The following YEATS2 variants were observed in gnomAD, a reference collection of about 807,000 sequenced individuals.
YEATS2 encodes the protein YEATS domain-containing protein 2.
In YEATS2, 77 loss-of-function variants were observed where a neutral mutation model predicts 163.2. That is an observed-to-expected ratio of 0.47 (90% confidence interval 0.39 to 0.57). The LOEUF is 0.57. Among genes scored for constraint, YEATS2 ranks in the 20% least tolerant of loss-of-function variants. The pLI is 0.00. For missense variants in YEATS2, 1,549 were observed against 1,729.8 expected (o/e 0.90, Z 1.85); for synonymous variants, 631 against 645.1 (o/e 0.98, Z 0.33).
intron 19 of YEATS2, 21 bp downstream of exon 19, chr3:183,777,721 ACC>A: frequency 6.2e-7 from 1 of 1,601,262 alleles, no homozygotes; most frequent in South Asian, 1.1e-5. Context: ...CCATGCACAC[ACC>A]CCAAATATGG....
chr3:183,748,729 A>G (rs993837124), intron 9 of YEATS2, among the ~76,000 whole-genome samples: 4 of 151,910 alleles, frequency 2.6e-5, no homozygotes, highest in Non-Finnish European at 5.9e-5. Flanking sequence ...CCTCCCAAGT[A>G]GCTAGGACTG....
At chr3:183,749,984 A>ATT (rs879853784) in intron 9 of YEATS2, among the ~76,000 whole-genome samples, 186 of 145,106 alleles carry the variant, frequency 1.3e-3, no homozygotes, top group African/African-American at 4.5e-3. Flanking sequence ...CGCCCGGCTA[A>ATT]TTTTTTTTTT....
Position 183,812,245 on chromosome 3 carries a change from T to G in YEATS2, c.*1662T>G, listed in dbSNP as rs750759830. ...AGGAGACCCCGTCTCAAAAATTGAT[T>G]GATCAATTCAGCATCTGAGGGCTGC... is the stretch of plus-strand genomic sequence containing the variant. On this transcript the variant is annotated 3_prime_UTR_variant, in exon 31 of 31. Transcript: ENST00000305135. 6.6e-6 allele frequency: 1 copy of G among 152,204 alleles called. No homozygotes were observed. The highest frequency in any genetic ancestry group is 1.5e-5 in the Non-Finnish European group (1 of 68,050). 9.4% of individuals were successfully genotyped at this position (152,204 alleles called of 1,614,324 possible). A position where few individuals can be genotyped will look rare whatever the true frequency, so the allele number is the denominator to read the frequency against.
chr3:183,717,703 T>C lies in YEATS2; in HGVS notation c.153T>C (p.Ala51=). The C allele has an allele frequency of 6.4e-7, 1 of 1,568,454 alleles. No individual in the cohort carries two copies. The highest frequency in any genetic ancestry group is 8.6e-7 in the Non-Finnish European group (1 of 1,164,252). Residue 51 remains alanine (A), a synonymous_variant, in exon 3 of 31, where the codon GCT becomes GCC. Transcript: ENST00000305135. ...KIETIIKEQF[A]LEMKNKEHEI... ...AGACTATTATCAAAGAACAGTTTGC[T>C]CTTGAAATGAAGAATAAGGAACATG...
chr3:183,773,932 T>C (rs262960), intron 17 of YEATS2, 138 bp downstream of exon 17: 674,065 of 1,024,646 alleles, frequency 0.66, 227,645 homozygotes, highest in East Asian at 0.98. Context: ...TAGCATTTGC[T>C]CAGATGGATT....
chr3:183,783,393 G>T (rs1723759995), intron 19 of YEATS2, among the ~76,000 whole-genome samples: 1 of 152,210 alleles, frequency 6.6e-6, no homozygotes, highest in African/African-American at 2.4e-5. Flanking sequence ...CGTTGTTGCT[G>T]CTGTTTTTTA....
chr3:183,772,785 A>G (rs921295769), intron 16 of YEATS2, among the ~76,000 whole-genome samples: 1 of 150,460 alleles, frequency 6.6e-6, no homozygotes, highest in Non-Finnish European at 1.5e-5. Flanking sequence ...ACACCCACAT[A>G]CACACACACA....
chr3:183,717,997 G>A (rs537980331), intron 3 of YEATS2, among the ~76,000 whole-genome samples: 84 of 151,886 alleles, frequency 5.5e-4, no homozygotes, highest in African/African-American at 1.8e-3. Context: ...TGATAGCACA[G>A]CAGGGTGACT....
intron 10 of YEATS2, among the ~76,000 whole-genome samples, chr3:183,752,691 A>G: frequency 6.8e-6 from 1 of 148,112 alleles, no homozygotes; most frequent in Non-Finnish European, 1.5e-5. Context: ...CCTGGACAAC[A>G]GAGCGAGACT....
At chr3:183,754,069 A>G in intron 10 of YEATS2, 57 bp from the exon 11 acceptor site, 1 of 1,481,696 alleles carries the variant, frequency 6.7e-7, no homozygotes, top group Non-Finnish European at 9.0e-7. Context: ...CCACAACGGT[A>G]AGGTTTTATT....
Position 183,788,383 on chromosome 3 carries a change from CAT to C in YEATS2, c.2913+2083_2913+2084del, listed in dbSNP as rs1367177730. ...CAGTTGTTTTAATTGTTAGCTCCCA[CAT>C]GAGTGAGAACGTGTGAAATGTGTCT... On this transcript the variant is annotated intron_variant, in intron 20 of 30. Coordinates refer to ENST00000305135, the MANE Select transcript of YEATS2 (RefSeq NM_018023.5). Among the ~76,000 whole-genome samples, 4 of 152,296 alleles carry C rather than the reference CAT, an allele frequency of 2.6e-5. No individual in the cohort carries two copies. In the East Asian group the frequency reaches 5.8e-4, roughly 22 times the overall value.
intron 7 of YEATS2, among the ~76,000 whole-genome samples, chr3:183,729,257 G>GCCT (rs1717455903): frequency 6.6e-6 from 1 of 150,632 alleles, no homozygotes; most frequent in East Asian, 2.0e-4. Context: ...GGGCGACAGA[G>GCCT]CGAGACTCTG....
chr3:183,760,940 G>A (rs918309425), intron 13 of YEATS2, among the ~76,000 whole-genome samples: 2 of 152,114 alleles, frequency 1.3e-5, no homozygotes, highest in African/African-American at 4.8e-5. Flanking sequence ...CAAATGTTAG[G>A]GGTAGTAAGT....
At chr3:183,727,903 A>G (rs968608493) in intron 6 of YEATS2, among the ~76,000 whole-genome samples, 3 of 151,964 alleles carry the variant, frequency 2.0e-5, no homozygotes, top group Non-Finnish European at 1.5e-5. Context: ...AAAATATGCC[A>G]GTTTATTTCC....
chr3:183,724,711 C>A (rs951143467), intron 6 of YEATS2, among the ~76,000 whole-genome samples, 180 bp downstream of exon 6: 1 of 152,146 alleles, frequency 6.6e-6, no homozygotes, highest in African/African-American at 2.4e-5. Flanking sequence ...CCTTAGTGAG[C>A]AAAGTCAGAA....
At chr3:183,787,080 A>G (rs1053730412) in intron 20 of YEATS2, among the ~76,000 whole-genome samples, 6 of 151,976 alleles carry the variant, frequency 3.9e-5, no homozygotes, top group African/African-American at 1.2e-4. Context: ...TCAGCCTCCC[A>G]AGTAGCTGGG....
intron 3 of YEATS2, 40 bp from the exon 4 acceptor site, chr3:183,718,460 T>C: frequency 6.6e-7 from 1 of 1,506,582 alleles, no homozygotes; most frequent in Non-Finnish European, 9.1e-7. Context: ...TCTTTTATAA[T>C]TGCCGTTTTT....
chr3:183,700,748 G>A (rs1271476666), intron 1 of YEATS2, among the ~76,000 whole-genome samples: 1 of 131,428 alleles, frequency 7.6e-6, no homozygotes, highest in Admixed American at 8.9e-5. Context: ...TCCAGCCTGG[G>A]CGACAGAGGG....
intron 17 of YEATS2, among the ~76,000 whole-genome samples, chr3:183,775,520 G>A (rs1281092317): frequency 6.6e-6 from 1 of 152,174 alleles, no homozygotes; most frequent in Non-Finnish European, 1.5e-5. Context: ...GCTTGAACCC[G>A]GGAGGCAGAG....
Sources: gnomAD v4.1 joint callset for allele counts (sites outside exome capture counted in the v4.1 genomes callset) on GRCh38, gnomAD v4.1.1 for gene constraint, MANE v1.5 for transcripts, NCBI Gene and HGNC (gene_info 2026-07-23, HGNC 2026-07-21) for gene names.